Variants in BNC2 observed in about 807,000 individuals in gnomAD.
BNC2 encodes the protein basonuclin zinc finger protein 2.
In BNC2, 20 loss-of-function variants were observed where a neutral mutation model predicts 76.3. The ratio of observed to expected loss-of-function variants is 0.26; its 90% confidence interval spans 0.18 to 0.38. The LOEUF is 0.38. Ranked by LOEUF, BNC2 falls within the 10% of genes least tolerant of loss-of-function variation. BNC2 has a pLI of 1.00. For missense variants in BNC2, 1,382 were observed against 1,399.8 expected (o/e 0.99, Z 0.20); for synonymous variants, 582 against 514.8 (o/e 1.13, Z -1.77).
At chr9:16,647,401 A>T (rs887585861) in intron 3 of BNC2, among the ~76,000 whole-genome samples, 1 of 152,186 alleles carries the variant, frequency 6.6e-6, no homozygotes, top group Non-Finnish European at 1.5e-5. Flanking sequence ...GAAGAATAAC[A>T]TCCTTAGACA....
chr9:16,622,858 TG>T (rs1195022667), intron 3 of BNC2, among the ~76,000 whole-genome samples: 3 of 152,080 alleles, frequency 2.0e-5, no homozygotes. Context: ...ACAATTTAAG[TG>T]CTTAATTATA....
At chr9:16,784,317 T>C (rs945442160) in intron 1 of BNC2, among the ~76,000 whole-genome samples, 1 of 152,138 alleles carries the variant, frequency 6.6e-6, no homozygotes, top group Non-Finnish European at 1.5e-5. Flanking sequence ...TTTTAACTAT[T>C]TACCACTACT....
At chr9:16,585,800 G>A (rs1379329851) in intron 3 of BNC2, among the ~76,000 whole-genome samples, 1 of 152,154 alleles carries the variant, frequency 6.6e-6, no homozygotes, top group African/African-American at 2.4e-5. Context: ...AAATGAATAT[G>A]CTTTCATTCT....
At chr9:16,605,519 T>TA (rs1359875101) in intron 3 of BNC2, among the ~76,000 whole-genome samples, 1 of 152,252 alleles carries the variant, frequency 6.6e-6, no homozygotes, top group Non-Finnish European at 1.5e-5. Flanking sequence ...TTACCACCTC[T>TA]AAGCTTCAAC....
intron 1 of BNC2, among the ~76,000 whole-genome samples, chr9:16,811,148 G>A (rs1483878460): frequency 2.0e-5 from 3 of 148,594 alleles, no homozygotes; most frequent in South Asian, 2.1e-4. Context: ...GCATGAACCC[G>A]GGAGGCGGAG....
Position 16,501,921 on chromosome 9 carries a change from G to A in BNC2, c.669+50609C>T, listed in dbSNP as rs374489960. 7.2e-5 allele frequency among the ~76,000 whole-genome samples: 11 copies of A among 152,322 alleles called. No individual in the cohort carries two copies. The South Asian group carries it at 1.4e-3, about 20-fold the overall frequency. ...TAAAGAACAGAGAATAAGTGACTAA[G>A]CCTGGGGAATACCAAGACACTTTGC... On this transcript the variant is annotated intron_variant, in intron 5 of 6. Coordinates refer to ENST00000380672, the MANE Select transcript of BNC2 (RefSeq NM_017637.6).
chr9:16,619,332 C>CA (rs1299012144), intron 3 of BNC2, among the ~76,000 whole-genome samples: 2 of 141,878 alleles, frequency 1.4e-5, no homozygotes, highest in Admixed American at 6.7e-5. Context: ...TCTTTAAAAA[C>CA]AAAAAACAAA....
At chr9:16,755,245 C>A (rs1563928464) in intron 1 of BNC2, among the ~76,000 whole-genome samples, 1 of 152,104 alleles carries the variant, frequency 6.6e-6, no homozygotes, top group Non-Finnish European at 1.5e-5. Flanking sequence ...TGGAGGGAGG[C>A]AGAAGCACAC....
Position 16,824,019 on chromosome 9 carries a change from CAT to C in BNC2, c.3+46625_3+46626del, listed in dbSNP as rs551447191. ...TTTGTAGCTCTTTGCATAGATTACA[CAT>C]ATGTCCATTAATCAGTAGTGAGAAT... On this transcript the variant is annotated intron_variant, in intron 1 of 6. Coordinates refer to ENST00000380672, the MANE Select transcript of BNC2 (RefSeq NM_017637.6). 2.5e-3 allele frequency among the ~76,000 whole-genome samples: 379 copies of C among 152,316 alleles called. 2 individuals are homozygous for C. The highest frequency in any genetic ancestry group is 8.6e-3 in the African/African-American group (357 of 41,564).
chr9:16,601,211 G>C (rs560366428), intron 3 of BNC2, among the ~76,000 whole-genome samples: 1 of 152,276 alleles, frequency 6.6e-6, no homozygotes, highest in African/African-American at 2.4e-5. Context: ...CTTTACATAA[G>C]TACAGATATC....
At chr9:16,681,348 A>C (rs1426373015) in intron 3 of BNC2, among the ~76,000 whole-genome samples, 1 of 152,222 alleles carries the variant, frequency 6.6e-6, no homozygotes, top group Non-Finnish European at 1.5e-5. Context: ...AAAGGAGCTG[A>C]ATAAACTTTA....
chr9:16,738,980 CAA>C (rs995994234), intron 1 of BNC2, among the ~76,000 whole-genome samples: 6 of 150,724 alleles, frequency 4.0e-5, no homozygotes, highest in Non-Finnish European at 8.9e-5. Context: ...GGAAAAGAAA[CAA>C]GAGCAGAATT....
chr9:16,640,750 C>T (rs1254827925), intron 3 of BNC2, among the ~76,000 whole-genome samples: 1 of 152,136 alleles, frequency 6.6e-6, no homozygotes, highest in African/African-American at 2.4e-5. Flanking sequence ...AATTTGTAAA[C>T]TTCAGCTTGC....
chr9:16,661,935 G>A (rs2183405), intron 3 of BNC2, among the ~76,000 whole-genome samples: 78,128 of 152,060 alleles, frequency 0.51, 23,042 homozygotes, highest in East Asian at 0.89. Context: ...AAAGACAAGT[G>A]ACAGAGCAGG....
chr9:16,557,984 G>A (rs1000653515), intron 4 of BNC2, among the ~76,000 whole-genome samples: 1 of 151,894 alleles, frequency 6.6e-6, no homozygotes, highest in Non-Finnish European at 1.5e-5. Context: ...GCTAGGACTA[G>A]AGGTGCATGC....
chr9:16,498,679 A>T (rs1304850572), intron 5 of BNC2, among the ~76,000 whole-genome samples: 3 of 150,486 alleles, frequency 2.0e-5, no homozygotes, highest in Non-Finnish European at 4.4e-5. Flanking sequence ...AAATAAATAA[A>T]ATCTATAATC....
intron 1 of BNC2, among the ~76,000 whole-genome samples, chr9:16,772,615 T>C (rs1185848445): frequency 6.6e-6 from 1 of 152,324 alleles, no homozygotes; most frequent in East Asian, 1.9e-4. Flanking sequence ...TACTAATTTT[T>C]TTTTGTCTTT....
intron 1 of BNC2, among the ~76,000 whole-genome samples, chr9:16,812,378 G>A (rs1818075057): frequency 6.6e-6 from 1 of 152,174 alleles, no homozygotes; most frequent in African/African-American, 2.4e-5. Flanking sequence ...CAAATGTGGG[G>A]GCTCCCAGCC....
intron 1 of BNC2, among the ~76,000 whole-genome samples, chr9:16,830,556 T>G (rs1282442601): frequency 6.6e-6 from 1 of 152,212 alleles, no homozygotes; most frequent in African/African-American, 2.4e-5. Context: ...TTTTTCGCAT[T>G]ATTTTTGATC....
Sources: gnomAD v4.1 joint callset for allele counts (sites outside exome capture counted in the v4.1 genomes callset) on GRCh38, gnomAD v4.1.1 for gene constraint, MANE v1.5 for transcripts, NCBI Gene and HGNC (gene_info 2026-07-23, HGNC 2026-07-21) for gene names.